The following SYNE1 variants were observed in gnomAD, a reference collection of about 807,000 sequenced individuals.
SYNE1 encodes spectrin repeat containing nuclear envelope protein 1.
A neutral mutation model predicts 1,111.0 loss-of-function variants in SYNE1; 616 were observed. The ratio of observed to expected loss-of-function variants is 0.55; its 90% confidence interval spans 0.52 to 0.59. The LOEUF is 0.59. Among genes scored for constraint, SYNE1 ranks in the 20% least tolerant of loss-of-function variants. The pLI, the probability that SYNE1 is intolerant of heterozygous loss-of-function variation, is 0.00. For synonymous variants in SYNE1, 3,855 were observed against 3,825.8 expected (o/e 1.01, Z -0.28); for missense variants, 10,006 against 10,417.0 (o/e 0.96, Z 1.72).
chr6:152,405,005 T>A (rs1183612100), intron 45 of SYNE1: 4 of 152,258 alleles, frequency 2.6e-5, no homozygotes, highest in African/African-American at 9.6e-5. Context: ...GCAAACCTCC[T>A]GATGCCTTCA....
Position 152,611,585 on chromosome 6 carries a change from C to A in SYNE1, c.67+16680G>T, listed in dbSNP as rs182916058. Among the ~76,000 whole-genome samples, 36 of 152,242 alleles carry A rather than the reference C, an allele frequency of 2.4e-4. No individual in the cohort carries two copies. In the East Asian group the frequency reaches 6.6e-3, roughly 28 times the overall value. On this transcript the variant is annotated intron_variant, in intron 3 of 145. Coordinates refer to ENST00000367255, the MANE Select transcript of SYNE1 (RefSeq NM_182961.4). ...ACCCCACTGTCAACATTAGACAGAT[C>A]AATGAGACAGAAGGTTAACAAGGAT...
At chr6:152,428,826 A>C (rs986333923) in intron 36 of SYNE1, among the ~76,000 whole-genome samples, 2 of 152,156 alleles carry the variant, frequency 1.3e-5, no homozygotes, top group African/African-American at 4.8e-5. Context: ...ATGAGAAGAA[A>C]GTGACTTCAT....
At position 152,409,229 on chromosome 6, in the gene SYNE1, G is replaced by A. The variant is rs373663183; in HGVS notation, c.6382-3C>T. On this transcript the variant is annotated splice_polypyrimidine_tract_variant and splice_region_variant and intron_variant, in intron 43 of 145. Transcript: ENST00000367255. ...ATTTTGTTCTTGGCAGTTTCATGCT[G>A]TGGATAAATGATTTCTTAATTAATA... The A allele has an allele frequency of 5.0e-5, 81 of 1,613,542 alleles. No homozygotes were observed. In the African/African-American group the frequency reaches 9.9e-4, roughly 20 times the overall value.
chr6:152,609,543 G>A (rs977378639), intron 3 of SYNE1, among the ~76,000 whole-genome samples: 5 of 152,176 alleles, frequency 3.3e-5, no homozygotes, highest in East Asian at 1.9e-4. Context: ...TGTGGGCAGG[G>A]CATAGCTGAA....
chr6:152,631,140 A>G lies in SYNE1; in HGVS notation c.-223-2586T>C, dbSNP rs528787086. ...AGTGCAAATACAAAGATGTGAAGATACAGAGGATGGTGGCTAAGCCAGTGT... is the reference window on the plus strand; with the variant it reads ...AGTGCAAATACAAAGATGTGAAGATGCAGAGGATGGTGGCTAAGCCAGTGT... On this transcript the variant is annotated intron_variant, in intron 2 of 145. Coordinates refer to ENST00000367255, the MANE Select transcript of SYNE1 (RefSeq NM_182961.4). Among the ~76,000 whole-genome samples, 36 of 152,370 alleles carry G rather than the reference A, an allele frequency of 2.4e-4. No homozygotes were observed. The South Asian group carries it at 2.5e-3, about 11-fold the overall frequency.
rs1563329891 is a variant in SYNE1 at position 152,358,453 on chromosome 6, G to GC, written c.10527dup (p.Gln3510AlafsTer13). The GC allele has an allele frequency of 1.2e-6, 2 of 1,613,986 alleles. No individual in the cohort carries two copies. Among genetic ancestry groups the GC allele is most frequent in the African/African-American group, 2.7e-5 (2 of 74,908 alleles). On this transcript the variant is annotated frameshift_variant, in exon 66 of 146. Transcript: ENST00000367255. LOFTEE classifies it high-confidence loss of function. ...TACTGGTCGAGCTTTTCTTGTTCTTGCCCCAACCAAACTTCAAATGCCTTT... is the reference window on the plus strand; with the variant it reads ...TACTGGTCGAGCTTTTCTTGTTCTTGCCCCCAACCAAACTTCAAATGCCTTT...
At chr6:152,364,426 T>C (rs1280005457) in intron 63 of SYNE1, among the ~76,000 whole-genome samples, 2 of 149,960 alleles carry the variant, frequency 1.3e-5, no homozygotes, top group Non-Finnish European at 2.9e-5. Context: ...TACTTGGTTT[T>C]AATCCTTATA....
chr6:152,344,213 C>T lies in SYNE1; in HGVS notation c.12093G>A (p.Leu4031=), dbSNP rs1302510436. ...CSTAQRMYQS[L]EHELQKHVSR... ...TGACGTGCTTCTGAAGTTCGTGTTCCAAACTCTGGTACATCTGAGACAATA... is the reference window on the plus strand; with the variant it reads ...TGACGTGCTTCTGAAGTTCGTGTTCTAAACTCTGGTACATCTGAGACAATA... The change falls in exon 74 of 146, where the codon TTG becomes TTA. Residue 4031 remains leucine (L), a synonymous_variant. Coordinates refer to ENST00000367255, the MANE Select transcript of SYNE1 (RefSeq NM_182961.4). 1 of 1,614,070 alleles carries T rather than the reference C, an allele frequency of 6.2e-7. No individual in the cohort carries two copies. The highest frequency in any genetic ancestry group is 8.5e-7 in the Non-Finnish European group (1 of 1,180,040).
At position 152,556,411 on chromosome 6, in the gene SYNE1, T is replaced by C. The variant is rs11963867; in HGVS notation, c.68-16390A>G. 8.1e-3 allele frequency among the ~76,000 whole-genome samples: 1,227 copies of C among 152,324 alleles called. 10 individuals carry two copies. The highest frequency in any genetic ancestry group is 0.027 in the African/African-American group (1,103 of 41,566). The stretch of plus-strand genomic sequence containing the variant: ...TGCCCCAGTGAACTCTAGTGTCAAG[T>C]TGGCCCCTTCAGACCGAGGATTTGG... On this transcript the variant is annotated intron_variant, in intron 3 of 145. Coordinates refer to ENST00000367255, the MANE Select transcript of SYNE1 (RefSeq NM_182961.4).
rs190309433 is a variant in SYNE1 at position 152,541,181 on chromosome 6, C to T, written c.68-1160G>A. Among the ~76,000 whole-genome samples the T allele has an allele frequency of 5.0e-3, 763 of 152,274 alleles. 2 individuals are homozygous for T. Among genetic ancestry groups the T allele is most frequent in the Non-Finnish European group, 9.3e-3 (632 of 68,016 alleles). On this transcript the variant is annotated intron_variant, in intron 3 of 145. Transcript: ENST00000367255. ...GATAATAATGATGTTGGTAGTTTGA[C>T]AGGAACAGCGTTGAATCTGTAGATT...
chr6:152,329,536 CA>C (rs1407622623), intron 78 of SYNE1, among the ~76,000 whole-genome samples, 193 bp downstream of exon 78: 6 of 152,020 alleles, frequency 3.9e-5, no homozygotes, highest in African/African-American at 1.4e-4. Flanking sequence ...CAAAAAAACC[CA>C]AAAAACAAAA....
chr6:152,198,657 A>G (rs977670257), intron 127 of SYNE1, among the ~76,000 whole-genome samples: 1 of 152,156 alleles, frequency 6.6e-6, no homozygotes, highest in Admixed American at 6.5e-5. Flanking sequence ...CCTAATTTCA[A>G]TATTGTTGTG....
intron 110 of SYNE1, 102 bp from the exon 111 acceptor site, chr6:152,234,902 G>A: frequency 3.0e-6 from 4 of 1,315,276 alleles, no homozygotes; most frequent in Non-Finnish European, 4.3e-6. Context: ...CGAGAGGTCT[G>A]AAGATTTAGA....
intron 93 of SYNE1, among the ~76,000 whole-genome samples, chr6:152,299,159 G>C (rs1010959866): frequency 6.6e-6 from 1 of 152,108 alleles, no homozygotes. Context: ...GAGATTTACA[G>C]TTTTAGAAAA....
At chr6:152,440,812 C>T (rs1269498190) in intron 32 of SYNE1, among the ~76,000 whole-genome samples, 7 of 151,968 alleles carry the variant, frequency 4.6e-5, no homozygotes, top group Non-Finnish European at 8.8e-5. Flanking sequence ...ATGATCTGCC[C>T]TCCTCAGTCT....
intron 63 of SYNE1, among the ~76,000 whole-genome samples, chr6:152,364,457 T>C (rs1472302852): frequency 2.0e-5 from 3 of 151,852 alleles, no homozygotes; most frequent in Non-Finnish European, 4.4e-5. Context: ...ATGAATCTTT[T>C]TTTTTTTGTA....
chr6:152,630,329 C>A (rs1053307673), intron 2 of SYNE1, among the ~76,000 whole-genome samples: 1 of 151,948 alleles, frequency 6.6e-6, no homozygotes, highest in Non-Finnish European at 1.5e-5. Flanking sequence ...GAAGTAGGAC[C>A]CAATACTTGG....
intron 127 of SYNE1, among the ~76,000 whole-genome samples, chr6:152,197,996 T>C (rs2074526508): frequency 6.8e-6 from 1 of 146,176 alleles, no homozygotes; most frequent in Non-Finnish European, 1.5e-5. Flanking sequence ...AGCAAAACTC[T>C]GTCAGGAAGG....
chr6:152,556,146 C>T (rs2099364340), intron 3 of SYNE1, among the ~76,000 whole-genome samples: 2 of 152,146 alleles, frequency 1.3e-5, no homozygotes, highest in South Asian at 4.1e-4. Flanking sequence ...CTCACAGAGA[C>T]ATCAATTTGA....
Sources: gnomAD v4.1 joint callset for allele counts (sites outside exome capture counted in the v4.1 genomes callset) on GRCh38, gnomAD v4.1.1 for gene constraint, MANE v1.5 for transcripts, NCBI Gene and HGNC (gene_info 2026-07-23, HGNC 2026-07-21) for gene names.